The following TPX2 variants were observed in gnomAD, a reference collection of about 807,000 sequenced individuals.
TPX2 encodes targeting protein for Xklp2.
A neutral mutation model predicts 93.6 loss-of-function variants in TPX2; 21 were observed. That is an observed-to-expected ratio of 0.22 (90% CI 0.16 to 0.32). TPX2 has a LOEUF of 0.32. Ranked by LOEUF, TPX2 falls within the 10% of genes least tolerant of loss-of-function variation. TPX2 has a pLI of 1.00. For synonymous variants in TPX2, 281 were observed against 298.3 expected, an observed-to-expected ratio of 0.94 and a Z score of 0.60; for missense variants, 776 against 871.1, an observed-to-expected ratio of 0.89 and a Z score of 1.37.
At chr20:31,772,971 CTTTTTTTTTTTT>C (rs558541526) in intron 7 of TPX2, among the ~76,000 whole-genome samples, 2 of 96,486 alleles carry the variant, frequency 2.1e-5, no homozygotes. Flanking sequence ...GTGCCATCGG[CTTTTTTTTTTTT>C]TTTTTTTTTT....
At chr20:31,770,319 ATT>A in intron 5 of TPX2, 22 bp from the exon 6 acceptor site, 3 of 1,483,044 alleles carry the variant, frequency 2.0e-6, no homozygotes, top group Non-Finnish European at 2.7e-6. Flanking sequence ...TTTATTATAT[ATT>A]TTGTCAATTT....
intron 2 of TPX2, among the ~76,000 whole-genome samples, chr20:31,747,302 G>A (rs1055008754): frequency 1.3e-5 from 2 of 152,086 alleles, no homozygotes; most frequent in African/African-American, 4.8e-5. Context: ...TGTATTTTTA[G>A]TAGAGACGGG....
At chr20:31,739,766 A>G (rs2061743281) in intron 1 of TPX2, 145 bp downstream of exon 1, 1 of 152,358 alleles carries the variant, frequency 6.6e-6, no homozygotes, top group African/African-American at 2.4e-5. Context: ...GAAACTGAGG[A>G]AGGAGGAAGG....
intron 2 of TPX2, among the ~76,000 whole-genome samples, chr20:31,756,106 CTG>C (rs1358811375): frequency 6.6e-6 from 1 of 152,180 alleles, no homozygotes; most frequent in Non-Finnish European, 1.5e-5. Flanking sequence ...TTTGACAAAA[CTG>C]TGTTGAACTC....
At position 31,794,472 on chromosome 20, in the gene TPX2, A is replaced by G; in HGVS notation, c.1757A>G (p.Asn586Ser). The G allele has an allele frequency of 6.2e-7, 1 of 1,614,188 alleles. No individual in the cohort carries two copies. Among genetic ancestry groups the G allele is most frequent in the African/African-American group, 1.3e-5 (1 of 75,046 alleles). ...AACCTGCCAGAGAAGAAGGTAAAGA[A>G]TGTGACCCAGATTGAACCTTTCTGC... is the stretch of plus-strand genomic sequence containing the variant. ...TINLPEKKVKNVTQIEPFCLE... is the reference protein window; with the variant it reads ...TINLPEKKVKSVTQIEPFCLE... The change falls in exon 15 of 18, where the codon AAT becomes AGT. Residue 586 changes from asparagine (N) to serine (S), a missense_variant. Coordinates refer to ENST00000300403, the MANE Select transcript of TPX2 (RefSeq NM_012112.5).
intron 8 of TPX2, 50 bp downstream of exon 8, chr20:31,776,038 C>T: frequency 2.2e-6 from 1 of 453,606 alleles, no homozygotes; most frequent in Middle Eastern, 5.9e-4. Flanking sequence ...GTTCTTAACA[C>T]TCTTGGTAGG....
At chr20:31,765,016 A>G (rs1296675328) in intron 4 of TPX2, among the ~76,000 whole-genome samples, 2 of 151,056 alleles carry the variant, frequency 1.3e-5, no homozygotes, top group East Asian at 3.9e-4. Flanking sequence ...GAGCAGTGGC[A>G]TGATCACAGC....
At chr20:31,742,308 G>C (rs1285929428) in intron 1 of TPX2, among the ~76,000 whole-genome samples, 1 of 151,820 alleles carries the variant, frequency 6.6e-6, no homozygotes, top group African/African-American at 2.4e-5. Context: ...GTCCCGAGTA[G>C]CTGGGATTGC....
Position 31,778,798 on chromosome 20 carries a change from CT to C in TPX2, c.883-11del. 3 of 1,527,376 alleles carry C rather than the reference CT, an allele frequency of 2.0e-6. No individual in the cohort carries two copies. The highest frequency in any genetic ancestry group is 2.6e-6 in the Non-Finnish European group (3 of 1,141,752). The allele number at this position is 1,527,376 out of a possible 1,614,324, so 94.6% of individuals were successfully genotyped here. On this transcript the variant is annotated splice_polypyrimidine_tract_variant and intron_variant, in intron 9 of 17. Coordinates refer to ENST00000300403, the MANE Select transcript of TPX2 (RefSeq NM_012112.5). ...CCGTGACATTTCATTTGGGGAACAA[CT>C]TTTCTCTTTACAGGCCCGAGTGACT...
intron 2 of TPX2, among the ~76,000 whole-genome samples, chr20:31,749,372 G>A (rs1022226512): frequency 2.6e-5 from 4 of 152,184 alleles, no homozygotes; most frequent in Non-Finnish European, 4.4e-5. Context: ...ATCTCTCTGT[G>A]CCTCAAGTCC....
Position 31,794,536 on chromosome 20 carries a change from T to C in TPX2, c.1821T>C (p.Thr607=), listed in dbSNP as rs1044299029. The change falls in exon 15 of 18, where the codon ACT becomes ACC. Residue 607 remains threonine (T), a synonymous_variant. Transcript: ENST00000300403. Reference sequence around the variant, plus strand: ...GAAGAGGTGCTCTGAAGGCACAGACTTGGAAGCACCAGGTAGGGGATGGGG... The same window carrying C: ...GAAGAGGTGCTCTGAAGGCACAGACCTGGAAGCACCAGGTAGGGGATGGGG... The part of the protein sequence containing the change: ...TDRRGALKAQ[T]WKHQLEEELR... The C allele has an allele frequency of 2.5e-6, 4 of 1,613,772 alleles. No homozygotes were observed. The Admixed American group carries it at 5.0e-5, about 20-fold the overall frequency.
Position 31,771,658 on chromosome 20 carries a change from C to T in TPX2, c.584C>T (p.Thr195Ile), listed in dbSNP as rs759479021. 2.5e-6 allele frequency: 4 copies of T among 1,611,554 alleles called. No individual in the cohort carries two copies. The South Asian group carries it at 4.4e-5, about 18-fold the overall frequency. The part of the protein sequence containing the change: ...SSPEKAKGRH[T>I]VPCMPPAKQK... ...CCAGAGAAAGCCAAGGGTAGACATACTGTGCCTTGTATGCCACCTGCAAAG... is the reference window on the plus strand; with the variant it reads ...CCAGAGAAAGCCAAGGGTAGACATATTGTGCCTTGTATGCCACCTGCAAAG... The change falls in exon 7 of 18, where the codon ACT becomes ATT. Residue 195 changes from threonine to isoleucine, a missense_variant. Thr to Ile is a moderately conservative substitution (Grantham distance 89). Coordinates refer to ENST00000300403, the MANE Select transcript of TPX2 (RefSeq NM_012112.5).
At chr20:31,800,201 C>T (rs1260766418) in intron 17 of TPX2, among the ~76,000 whole-genome samples, 1 of 152,178 alleles carries the variant, frequency 6.6e-6, no homozygotes, top group African/African-American at 2.4e-5. Flanking sequence ...AGACCAGCCT[C>T]TTGGTAAAAT....
At chr20:31,781,561 G>A (rs374680775) in intron 10 of TPX2, among the ~76,000 whole-genome samples, 1 of 151,540 alleles carries the variant, frequency 6.6e-6, no homozygotes, top group Non-Finnish European at 1.5e-5. Flanking sequence ...CACTGTGACC[G>A]GCCAGGAAGG....
chr20:31,781,253 CTTT>C (rs1007150417), intron 10 of TPX2, among the ~76,000 whole-genome samples: 8 of 116,756 alleles, frequency 6.9e-5, no homozygotes, highest in Non-Finnish European at 1.0e-4. Context: ...GGCCTTATAT[CTTT>C]TTTTTTTTTT....
chr20:31,769,765 TC>T, intron 5 of TPX2, among the ~76,000 whole-genome samples: 1 of 152,138 alleles, frequency 6.6e-6, no homozygotes, highest in Non-Finnish European at 1.5e-5. Context: ...ATGTATTAGA[TC>T]TGTCATTATG....
intron 5 of TPX2, 112 bp downstream of exon 5, chr20:31,766,794 A>AC: frequency 5.0e-6 from 4 of 795,828 alleles, no homozygotes; most frequent in Non-Finnish European, 6.5e-6. Context: ...CCTTTATGTT[A>AC]CTTTTTTTTT....
chr20:31,755,951 G>T (rs1487107522), intron 2 of TPX2, among the ~76,000 whole-genome samples: 2 of 152,196 alleles, frequency 1.3e-5, no homozygotes, highest in East Asian at 3.8e-4. Context: ...CGCAGGAGTA[G>T]GGAGGGGCCT....
At chr20:31,788,929 G>A (rs551509679) in intron 12 of TPX2, among the ~76,000 whole-genome samples, 12 of 152,134 alleles carry the variant, frequency 7.9e-5, no homozygotes, top group Non-Finnish European at 1.5e-4. Context: ...TTTCCTAACT[G>A]CCCTGGGACA....
Sources: gnomAD v4.1 joint callset for allele counts (sites outside exome capture counted in the v4.1 genomes callset) on GRCh38, gnomAD v4.1.1 for gene constraint, MANE v1.5 for transcripts, NCBI Gene and HGNC (gene_info 2026-07-23, HGNC 2026-07-21) for gene names.